The following RUVBL1 variants were observed in gnomAD, a reference collection of about 807,000 sequenced individuals.
The protein encoded by RUVBL1 is RuvB like AAA ATPase 1, also known as ruvB-like 1.
RUVBL1 carries 4 observed loss-of-function variants against 52.4 expected under a neutral mutation model. That is an observed-to-expected ratio of 0.08 (90% CI 0.04 to 0.17). RUVBL1 has a LOEUF of 0.17. RUVBL1 is among the 10% of genes least tolerant of loss of function. The pLI is 1.00. For synonymous variants in RUVBL1, 217 were observed against 214.4 expected, an observed-to-expected ratio of 1.01 and a Z score of -0.10; for missense variants, 298 against 572.8, an observed-to-expected ratio of 0.52 and a Z score of 4.90.
At chr3:128,103,160 T>C (rs1943142761) in intron 4 of RUVBL1, among the ~76,000 whole-genome samples, 1 of 152,234 alleles carries the variant, frequency 6.6e-6, no homozygotes, top group South Asian at 2.1e-4. Context: ...CTCCTCTACA[T>C]TATTTTTGTA....
intron 1 of RUVBL1, among the ~76,000 whole-genome samples, chr3:128,138,881 TAG>T (rs1943981939): frequency 6.6e-6 from 1 of 152,054 alleles, no homozygotes; most frequent in African/African-American, 2.4e-5. Flanking sequence ...TGGAATAGAA[TAG>T]AGAACCCAGA....
chr3:128,114,134 TACAGAACTGGGC>T (rs984374791), intron 2 of RUVBL1, among the ~76,000 whole-genome samples: 3 of 152,210 alleles, frequency 2.0e-5, no homozygotes, highest in African/African-American at 7.2e-5. Context: ...TTAAAGTTGG[TACAGAACTGGGC>T]AATGCCATGG....
chr3:128,132,823 G>C (rs1943899287), intron 1 of RUVBL1, among the ~76,000 whole-genome samples: 1 of 152,078 alleles, frequency 6.6e-6, no homozygotes, highest in Non-Finnish European at 1.5e-5. Context: ...TCCCAGTTGT[G>C]ATGGCCACAG....
At chr3:128,119,201 TTAA>T (rs1943589074) in intron 2 of RUVBL1, 124 bp downstream of exon 2, 1 of 604,446 alleles carries the variant, frequency 1.7e-6, no homozygotes, top group African/African-American at 1.9e-5. Context: ...TTATTGCATA[TTAA>T]TTTTAAAAAC....
At chr3:128,097,961 A>C (rs533253231) in intron 7 of RUVBL1, among the ~76,000 whole-genome samples, 6 of 152,182 alleles carry the variant, frequency 3.9e-5, no homozygotes, top group Admixed American at 3.9e-4. Flanking sequence ...GGTCCCATAC[A>C]ACAATGCTTA....
At position 128,069,453 on chromosome 3, in the gene RUVBL1, G is replaced by A. The variant is rs765508683; in HGVS notation, c.940-4233C>T. The A allele has an allele frequency of 1.0e-5, 16 of 1,603,260 alleles. No homozygotes were observed. The South Asian group carries it at 1.7e-4, about 17-fold the overall frequency. ...CGGGGAGCTCTGTGGGTGTCCAGGA[G>A]CTGACTGTGTCCCCTCCCCCAGGTA... On this transcript the variant is annotated intron_variant, in intron 9 of 9. Transcript: ENST00000464873.
chr3:128,109,676 T>C (rs1016087497), intron 3 of RUVBL1, among the ~76,000 whole-genome samples: 1 of 152,022 alleles, frequency 6.6e-6, no homozygotes, highest in Non-Finnish European at 1.5e-5. Flanking sequence ...GTATTTTTTG[T>C]AGAGACACAG....
intron 6 of RUVBL1, among the ~76,000 whole-genome samples, chr3:128,099,466 A>G (rs954403448): frequency 6.6e-6 from 1 of 152,206 alleles, no homozygotes; most frequent in African/African-American, 2.4e-5. Flanking sequence ...AAGTATAAAT[A>G]TACCATGATT....
At position 128,081,653 on chromosome 3, in the gene RUVBL1, TAC is replaced by T. The variant is rs1942480033; in HGVS notation, c.1212-246_1212-245del. On this transcript the variant is annotated intron_variant, in intron 10 of 10. Coordinates refer to ENST00000322623, the MANE Select transcript of RUVBL1 (RefSeq NM_003707.3). This position sits in a 1 kb window ranked among gnomAD's most constrained non-coding sequence, Gnocchi z 4.8. ...TAAGTGCTATTCCCCAAATCTTTAGTACAGTCTACAAATCCTCCAGTAGGAAG... is the reference window on the plus strand; with the variant it reads ...TAAGTGCTATTCCCCAAATCTTTAGTAGTCTACAAATCCTCCAGTAGGAAG... The T allele has an allele frequency of 2.1e-6, 1 of 486,560 alleles. No homozygotes were observed. The highest frequency in any genetic ancestry group is 3.7e-6 in the Non-Finnish European group (1 of 273,138). 30.1% of individuals were successfully genotyped at this position (486,560 alleles called of 1,614,324 possible). A position where few individuals can be genotyped will look rare whatever the true frequency, so the allele number is the denominator to read the frequency against.
At chr3:128,073,810 G>T (rs1177923198) in intron 9 of RUVBL1, among the ~76,000 whole-genome samples, 1 of 152,198 alleles carries the variant, frequency 6.6e-6, no homozygotes, top group Admixed American at 6.5e-5. Context: ...ATCCTTCAAA[G>T]CACAGCTCAA....
chr3:128,081,415 G>A lies in RUVBL1; in HGVS notation c.1212-6C>T. 1 of 1,610,970 alleles carries A rather than the reference G, an allele frequency of 6.2e-7. No homozygotes were observed. Among genetic ancestry groups the A allele is most frequent in the Non-Finnish European group, 8.5e-7 (1 of 1,177,376 alleles). ...TCAGCAGCTGCACTGAGTACCTAGAGTGGACAGGGGCCAGGGCTGGAGTGA... is the reference window on the plus strand; with the variant it reads ...TCAGCAGCTGCACTGAGTACCTAGAATGGACAGGGGCCAGGGCTGGAGTGA... On this transcript the variant is annotated splice_polypyrimidine_tract_variant and splice_region_variant and intron_variant, in intron 10 of 10. Coordinates refer to ENST00000322623, the MANE Select transcript of RUVBL1 (RefSeq NM_003707.3). This position sits in a 1 kb window ranked among gnomAD's most constrained non-coding sequence, Gnocchi z 4.8.
At chr3:128,093,418 T>C (rs1457970581) in intron 8 of RUVBL1, among the ~76,000 whole-genome samples, 2 of 151,902 alleles carry the variant, frequency 1.3e-5, no homozygotes, top group African/African-American at 2.4e-5. Flanking sequence ...GTGGTGATGG[T>C]TGCACAACTC....
chr3:128,104,776 C>G lies in RUVBL1; in HGVS notation c.510G>C (p.Leu170Phe). Residue 170 changes from leucine to phenylalanine, a missense_variant, in exon 4 of 11, where the codon TTG (leucine) becomes TTC (phenylalanine). Coordinates refer to ENST00000322623, the MANE Select transcript of RUVBL1 (RefSeq NM_003707.3). ...GAGGCCACATACATGTACTCACTTTCAACTGTTTGGTTCCTTTGGCTGTTT... is the reference window on the plus strand; with the variant it reads ...GAGGCCACATACATGTACTCACTTTGAACTGTTTGGTTCCTTTGGCTGTTT... The part of the protein sequence containing the change: ...GLKTAKGTKQ[L>F]KLDPSIFESL... The G allele has an allele frequency of 6.2e-7, 1 of 1,604,962 alleles. No individual in the cohort carries two copies. The highest frequency in any genetic ancestry group is 8.5e-7 in the Non-Finnish European group (1 of 1,172,374).
chr3:128,133,721 A>C (rs1332124718), intron 1 of RUVBL1, among the ~76,000 whole-genome samples: 5 of 152,226 alleles, frequency 3.3e-5, no homozygotes, highest in Admixed American at 6.5e-5. Context: ...GCAGTGACCA[A>C]AGACAGATTA....
chr3:128,150,754 T>TATATA (rs1944177602), intron 1 of RUVBL1, among the ~76,000 whole-genome samples: 4 of 110,182 alleles, frequency 3.6e-5, no homozygotes, highest in African/African-American at 1.5e-4. Context: ...TTATATATTC[T>TATATA]CTATATATTC....
downstream of RUVBL1, among the ~76,000 whole-genome samples, chr3:128,080,312 A>G (rs9860614): frequency 0.089 from 13,613 of 152,252 alleles, 780 homozygotes; most frequent in Non-Finnish European, 0.12. Context: ...CAGAATCCCA[A>G]ATAATTTTGG....
intron 1 of RUVBL1, among the ~76,000 whole-genome samples, chr3:128,131,491 AAAC>A (rs752428477): frequency 3.1e-4 from 46 of 149,802 alleles, no homozygotes; most frequent in East Asian, 2.3e-3. Flanking sequence ...AAACAAAACA[AAAC>A]AAACAAACAA....
chr3:128,143,416 C>T (rs919084893), intron 1 of RUVBL1, among the ~76,000 whole-genome samples: 3 of 152,118 alleles, frequency 2.0e-5, no homozygotes, highest in Non-Finnish European at 4.4e-5. Flanking sequence ...TGTGATTCGC[C>T]CTTCTCAGCC....
intron 2 of RUVBL1, among the ~76,000 whole-genome samples, chr3:128,116,749 A>T (rs909678211): frequency 5.9e-5 from 9 of 152,228 alleles, no homozygotes; most frequent in Non-Finnish European, 1.2e-4. Flanking sequence ...TCATATGATG[A>T]GCTGCCAGGC....
Sources: allele counts gnomAD v4.1 joint callset (sites outside exome capture counted in the v4.1 genomes callset), GRCh38; gene constraint gnomAD v4.1.1; non-coding constraint Gnocchi (gnomAD v3.1); transcripts MANE v1.5; gene names NCBI Gene and HGNC (gene_info 2026-07-23, HGNC 2026-07-21).